The following SLC24A3 variants were observed in gnomAD, a reference collection of about 807,000 sequenced individuals.
The protein encoded by SLC24A3 is sodium/potassium/calcium exchanger 3.
SLC24A3 carries 28 observed loss-of-function variants against 75.8 expected under a neutral mutation model. The ratio of observed to expected loss-of-function variants is 0.37; its 90% CI spans 0.27 to 0.51. SLC24A3 has a LOEUF of 0.51. SLC24A3 is among the 20% of genes least tolerant of loss of function. The pLI, the probability that SLC24A3 is intolerant of heterozygous loss-of-function variation, is 0.94. For missense variants in SLC24A3, 663 were observed against 847.8 expected (o/e 0.78, Z 2.71); for synonymous variants, 372 against 334.1 (o/e 1.11, Z -1.24).
At chr20:19,229,441 C>T (rs539746022) in intron 1 of SLC24A3, among the ~76,000 whole-genome samples, 1 of 151,850 alleles carries the variant, frequency 6.6e-6, no homozygotes, top group East Asian at 1.9e-4. Flanking sequence ...TTATTTCTTG[C>T]TTTATAATGC....
In SLC24A3 at chr20:19,631,045, A is replaced by T. The variant is rs1806621000; in HGVS notation, c.613-23017A>T. 2.0e-5 allele frequency among the ~76,000 whole-genome samples: 3 copies of T among 152,166 alleles called. No homozygotes were observed. In the South Asian group the frequency reaches 6.2e-4, roughly 32 times the overall value. On this transcript the variant is annotated intron_variant, in intron 6 of 16. Transcript: ENST00000328041. ...GTGGAATATGGATTTTAAGTATTTT[A>T]TTATGAAAGTATTGTGTGTTGGGCA...
At chr20:19,623,248 A>G (rs1214995759) in intron 6 of SLC24A3, among the ~76,000 whole-genome samples, 1 of 152,244 alleles carries the variant, frequency 6.6e-6, no homozygotes, top group African/African-American at 2.4e-5. Context: ...CCAGCACTGC[A>G]GGCCCATGTG....
intron 7 of SLC24A3, 64 bp from the exon 8 acceptor site, chr20:19,665,800 T>C (rs2032392456): frequency 2.1e-5 from 22 of 1,041,508 alleles, no homozygotes; most frequent in Non-Finnish European, 2.9e-5. Flanking sequence ...AGCGTGTGTG[T>C]GTGTGTGTGT....
intron 2 of SLC24A3, among the ~76,000 whole-genome samples, chr20:19,423,658 G>A (rs2122440199): frequency 6.6e-6 from 1 of 152,292 alleles, no homozygotes; most frequent in South Asian, 2.1e-4. Context: ...AGCAAAGGCA[G>A]GCAGCAAGGA....
At chr20:19,341,107 C>A (rs1985262754) in intron 2 of SLC24A3, among the ~76,000 whole-genome samples, 1 of 152,220 alleles carries the variant, frequency 6.6e-6, no homozygotes, top group Non-Finnish European at 1.5e-5. Flanking sequence ...ATGCCTGAAC[C>A]ATCCCCAGAG....
intron 2 of SLC24A3, among the ~76,000 whole-genome samples, chr20:19,296,874 A>G (rs1047113670): frequency 6.6e-6 from 1 of 152,234 alleles, no homozygotes; most frequent in African/African-American, 2.4e-5. Context: ...AATGGAAGAG[A>G]ACTGAAAACA....
At chr20:19,571,831 G>T (rs528748675) in intron 3 of SLC24A3, among the ~76,000 whole-genome samples, 1 of 152,210 alleles carries the variant, frequency 6.6e-6, no homozygotes, top group African/African-American at 2.4e-5. Context: ...TAGGAAGGCA[G>T]TTGTTTCTGA....
intron 4 of SLC24A3, among the ~76,000 whole-genome samples, chr20:19,581,466 T>A (rs1433606714): frequency 6.6e-6 from 1 of 151,986 alleles, no homozygotes; most frequent in Non-Finnish European, 1.5e-5. Flanking sequence ...CATGCCCTTG[T>A]AGGGAGAGGC....
chr20:19,303,707 T>A (rs886905856), intron 2 of SLC24A3, among the ~76,000 whole-genome samples: 3 of 152,212 alleles, frequency 2.0e-5, no homozygotes, highest in Non-Finnish European at 2.9e-5. Context: ...ATGATCATTT[T>A]TAGAGGAGAC....
chr20:19,526,971 A>G lies in SLC24A3; in HGVS notation c.348+11407A>G, dbSNP rs189210843. On this transcript the variant is annotated intron_variant, in intron 3 of 16. Coordinates refer to ENST00000328041, the MANE Select transcript of SLC24A3 (RefSeq NM_020689.4). ...TATCCCCATAATCCATGTGATGACT[A>G]TGTTTGCAGTCTTGCTTTTCTCTTC... Among the ~76,000 whole-genome samples, 44 of 152,278 alleles carry G rather than the reference A, an allele frequency of 2.9e-4. No individual in the cohort carries two copies. The East Asian group carries it at 7.9e-3, about 27-fold the overall frequency.
chr20:19,706,222 A>T (rs571215688), intron 15 of SLC24A3, among the ~76,000 whole-genome samples: 42 of 152,202 alleles, frequency 2.8e-4, no homozygotes, highest in Non-Finnish European at 4.7e-4. Context: ...CAAAGTGTTA[A>T]TTGAGTGCCT....
At chr20:19,668,770 C>T (rs1479951630) in intron 8 of SLC24A3, among the ~76,000 whole-genome samples, 2 of 152,278 alleles carry the variant, frequency 1.3e-5, no homozygotes, top group East Asian at 1.9e-4. Context: ...CCAGCTACAG[C>T]GTATTGAATA....
intron 9 of SLC24A3, among the ~76,000 whole-genome samples, chr20:19,680,699 G>C (rs1266977242): frequency 6.6e-6 from 1 of 152,216 alleles, no homozygotes; most frequent in Non-Finnish European, 1.5e-5. Flanking sequence ...TCATGGATGA[G>C]ACGGTCCAGC....
At chr20:19,235,077 T>G (rs1982126424) in intron 1 of SLC24A3, among the ~76,000 whole-genome samples, 1 of 152,244 alleles carries the variant, frequency 6.6e-6, no homozygotes, top group African/African-American at 2.4e-5. Context: ...TTGACTCATT[T>G]CTTATATCCT....
intron 3 of SLC24A3, among the ~76,000 whole-genome samples, chr20:19,578,967 A>T (rs1205429909): frequency 6.6e-6 from 1 of 152,162 alleles, no homozygotes; most frequent in African/African-American, 2.4e-5. Flanking sequence ...GTCCACAGCA[A>T]GCAACAGAGG....
At chr20:19,595,827 C>G (rs1165277212) in intron 6 of SLC24A3, among the ~76,000 whole-genome samples, 2 of 152,254 alleles carry the variant, frequency 1.3e-5, no homozygotes, top group African/African-American at 2.4e-5. Flanking sequence ...GGTGGAGGAA[C>G]AGCTTTAGCG....
intron 1 of SLC24A3, among the ~76,000 whole-genome samples, chr20:19,231,158 T>G (rs2122147918): frequency 6.6e-6 from 1 of 152,334 alleles, no homozygotes; most frequent in Non-Finnish European, 1.5e-5. Context: ...TTATACTTTC[T>G]GTGAAAACAC....
intron 1 of SLC24A3, among the ~76,000 whole-genome samples, chr20:19,250,526 T>C (rs564005839): frequency 1.3e-5 from 2 of 152,338 alleles, no homozygotes; most frequent in South Asian, 4.1e-4. Context: ...AGAATTACCA[T>C]ACTCTGAAGG....
intron 2 of SLC24A3, among the ~76,000 whole-genome samples, chr20:19,504,866 G>T (rs569674846): frequency 9.2e-5 from 14 of 152,204 alleles, no homozygotes; most frequent in Admixed American, 5.9e-4. Context: ...AATGCATGCC[G>T]TAGGCTCTTG....
Sources: allele counts gnomAD v4.1 joint callset (sites outside exome capture counted in the v4.1 genomes callset), GRCh38; gene constraint gnomAD v4.1.1; transcripts MANE v1.5; gene names NCBI Gene and HGNC (gene_info 2026-07-23, HGNC 2026-07-21).